Variants in GLCCI1 observed in about 807,000 individuals in gnomAD.
The protein encoded by GLCCI1 is glucocorticoid-induced transcript 1 protein.
Under a neutral mutation model 52.2 loss-of-function variants are expected in GLCCI1, and 24 were observed. That is an observed-to-expected ratio of 0.46 (90% CI 0.33 to 0.65). The LOEUF (loss-of-function observed/expected upper bound fraction) is 0.65, where lower values mean the gene tolerates loss of function less well. Ranked by LOEUF, GLCCI1 falls within the 30% of genes least tolerant of loss-of-function variation. The pLI is 0.02. For missense variants in GLCCI1, 704 were observed against 701.5 expected (o/e 1.00, Z -0.04); for synonymous variants, 310 against 276.5 (o/e 1.12, Z -1.20).
At chr7:8,053,500 T>A (rs1378205938) in intron 3 of GLCCI1, among the ~76,000 whole-genome samples, 5 of 149,364 alleles carry the variant, frequency 3.3e-5, no homozygotes, top group African/African-American at 1.2e-4. Flanking sequence ...TTTTTGTATT[T>A]TTTTTTTTTT....
At chr7:8,008,805 G>T (rs1376397374) in intron 2 of GLCCI1, among the ~76,000 whole-genome samples, 4 of 152,128 alleles carry the variant, frequency 2.6e-5, no homozygotes, top group African/African-American at 9.7e-5. Flanking sequence ...ATGAATTGAT[G>T]GGTGGATACC....
intron 5 of GLCCI1, among the ~76,000 whole-genome samples, chr7:8,061,930 G>A (rs917632778): frequency 2.6e-5 from 4 of 151,908 alleles, no homozygotes; most frequent in East Asian, 1.9e-4. Context: ...GCCTCCCAAC[G>A]TGCTTGGATT....
intron 3 of GLCCI1, among the ~76,000 whole-genome samples, chr7:8,047,523 G>C (rs1782159015): frequency 6.6e-6 from 1 of 152,172 alleles, no homozygotes; most frequent in South Asian, 2.1e-4. Flanking sequence ...AGTACATGCT[G>C]AAGATAACTT....
At chr7:8,003,431 G>A (rs141329700) in intron 1 of GLCCI1, among the ~76,000 whole-genome samples, 3 of 152,282 alleles carry the variant, frequency 2.0e-5, no homozygotes, top group African/African-American at 7.2e-5. Flanking sequence ...TAAGATATTA[G>A]GCATTGAGGT....
intron 3 of GLCCI1, among the ~76,000 whole-genome samples, chr7:8,031,235 A>G (rs1490605560): frequency 1.3e-5 from 2 of 152,186 alleles, no homozygotes; most frequent in Non-Finnish European, 2.9e-5. Flanking sequence ...TATCATAATG[A>G]CGTCCAGTTC....
intron 1 of GLCCI1, chr7:7,981,977 T>G: frequency 4.8e-6 from 2 of 420,934 alleles, no homozygotes; most frequent in South Asian, 3.6e-5. Flanking sequence ...AAAATATTAA[T>G]CCAGATAAGT....
chr7:8,036,289 A>T (rs1009561615), intron 3 of GLCCI1, among the ~76,000 whole-genome samples: 1 of 152,202 alleles, frequency 6.6e-6, no homozygotes, highest in Non-Finnish European at 1.5e-5. Flanking sequence ...CACACAAAGC[A>T]TGTCTGAAAC....
At chr7:8,060,073 A>G (rs1248426325) in intron 4 of GLCCI1, 23 bp from the exon 5 acceptor site, 18 of 1,581,548 alleles carry the variant, frequency 1.1e-5, no homozygotes, top group Non-Finnish European at 1.5e-5. Flanking sequence ...ATAATTTGAT[A>G]CCACCTTTAT....
chr7:8,052,667 T>G (rs948754439), intron 3 of GLCCI1, among the ~76,000 whole-genome samples: 1 of 152,202 alleles, frequency 6.6e-6, no homozygotes, highest in Non-Finnish European at 1.5e-5. Context: ...GAAATAAGAA[T>G]TACTTCACTT....
intron 3 of GLCCI1, among the ~76,000 whole-genome samples, chr7:8,045,804 A>G (rs1782110042): frequency 1.3e-5 from 2 of 152,188 alleles, no homozygotes; most frequent in African/African-American, 4.8e-5. Context: ...GTGAGTAACC[A>G]TGCAACCACA....
chr7:8,004,214 T>G (rs1781102741), intron 2 of GLCCI1, 155 bp downstream of exon 2: 1 of 694,694 alleles, frequency 1.4e-6, no homozygotes, highest in East Asian at 2.8e-5. Flanking sequence ...AACTTTGCAG[T>G]AATTGTTTTT....
chr7:8,001,188 T>G (rs1321765905), intron 1 of GLCCI1, among the ~76,000 whole-genome samples: 4 of 152,200 alleles, frequency 2.6e-5, no homozygotes, highest in African/African-American at 4.8e-5. Context: ...AGTTGTTCCT[T>G]TCCATGTTTA....
intron 1 of GLCCI1, among the ~76,000 whole-genome samples, chr7:7,977,445 A>G (rs1040999853): frequency 5.3e-5 from 8 of 152,194 alleles, no homozygotes; most frequent in African/African-American, 1.9e-4. Flanking sequence ...TGTTTTCTCT[A>G]GAACTAATTA....
intron 4 of GLCCI1, among the ~76,000 whole-genome samples, chr7:8,058,904 A>G (rs1225099743): frequency 6.6e-6 from 1 of 152,218 alleles, no homozygotes; most frequent in African/African-American, 2.4e-5. Context: ...TGTTTCATGT[A>G]TTATATACTA....
At chr7:8,043,945 AT>A (rs35175770) in intron 3 of GLCCI1, among the ~76,000 whole-genome samples, 89,533 of 139,012 alleles carry the variant, frequency 0.64, 28,600 homozygotes, top group African/African-American at 0.75. Flanking sequence ...GAAGCACTAA[AT>A]TTTTTTTTTT....
chr7:7,977,616 A>T (rs1450782495), intron 1 of GLCCI1, among the ~76,000 whole-genome samples: 1 of 152,132 alleles, frequency 6.6e-6, no homozygotes, highest in African/African-American at 2.4e-5. Context: ...TCTGCATCTT[A>T]TCTTCTGTGT....
chr7:8,079,680 T>G (rs1049412745), intron 6 of GLCCI1, among the ~76,000 whole-genome samples: 3 of 151,532 alleles, frequency 2.0e-5, no homozygotes, highest in Admixed American at 6.6e-5. Flanking sequence ...AGTAACTTTT[T>G]GGCTTAATTT....
chr7:8,045,122 T>G (rs1404008058), intron 3 of GLCCI1, among the ~76,000 whole-genome samples: 1 of 152,142 alleles, frequency 6.6e-6, no homozygotes, highest in African/African-American at 2.4e-5. Context: ...CTGAAACAAC[T>G]GTGAGCTGGA....
chr7:8,060,008 A>C, intron 4 of GLCCI1, 88 bp from the exon 5 acceptor site: 1 of 1,093,444 alleles, frequency 9.1e-7, no homozygotes, highest in South Asian at 2.0e-5. Flanking sequence ...CCGTTCATTG[A>C]GTTTCAATTT....
Sources: gnomAD v4.1 joint callset for allele counts (sites outside exome capture counted in the v4.1 genomes callset) on GRCh38, gnomAD v4.1.1 for gene constraint, MANE v1.5 for transcripts, NCBI Gene and HGNC (gene_info 2026-07-23, HGNC 2026-07-21) for gene names.